Variants in ACOXL observed in about 807,000 individuals in gnomAD.
ACOXL encodes the protein acyl-coenzyme A oxidase-like protein.
ACOXL carries 70 observed loss-of-function variants against 71.9 expected under a neutral mutation model. The ratio of observed to expected loss-of-function variants is 0.97; its 90% CI spans 0.80 to 1.19. The LOEUF (loss-of-function observed/expected upper bound fraction) is 1.19, where lower values mean the gene tolerates loss of function less well. ACOXL is among the 50% of genes most tolerant of loss of function. The pLI is 0.00. For missense variants in ACOXL, 703 were observed against 736.3 expected, an observed-to-expected ratio of 0.95 and a Z score of 0.52; for synonymous variants, 253 against 281.6, an observed-to-expected ratio of 0.90 and a Z score of 1.02.
At chr2:110,989,544 A>C (rs1558834073) in intron 13 of ACOXL, among the ~76,000 whole-genome samples, 1 of 152,250 alleles carries the variant, frequency 6.6e-6, no homozygotes, top group Non-Finnish European at 1.5e-5. Flanking sequence ...GATTGTACTT[A>C]CATGACATAC....
Position 110,805,031 on chromosome 2 carries a change from C to T in ACOXL, c.621-232C>T, listed in dbSNP as rs139869186. On this transcript the variant is annotated intron_variant, in intron 8 of 17. Transcript: ENST00000439055. ...GTGTGCGGTCTGCACAGTCAGGCTC[C>T]GGTGCTGGTTTAATGTCTCAGGAAA... 2.4e-3 allele frequency among the ~76,000 whole-genome samples: 373 copies of T among 152,274 alleles called. 4 individuals carry two copies. The highest frequency in any genetic ancestry group is 4.4e-3 in the African/African-American group (183 of 41,552).
chr2:110,947,291 C>A (rs1206762439), intron 12 of ACOXL, among the ~76,000 whole-genome samples: 2 of 152,164 alleles, frequency 1.3e-5, no homozygotes, highest in Admixed American at 1.3e-4. Context: ...TTCAAGCAAA[C>A]CTAGATTGAA....
At chr2:110,933,382 C>T in intron 11 of ACOXL, 107 bp from the exon 12 acceptor site, 1 of 1,336,562 alleles carries the variant, frequency 7.5e-7, no homozygotes, top group Non-Finnish European at 1.0e-6. Context: ...TCACTGACAT[C>T]ATATTCTTTC....
At chr2:111,116,251 A>G (rs537358798) in intron 17 of ACOXL, among the ~76,000 whole-genome samples, 6 of 152,348 alleles carry the variant, frequency 3.9e-5, no homozygotes, top group African/African-American at 1.4e-4. Flanking sequence ...GTGAAAGTTC[A>G]TTTTAGTGCA....
At chr2:111,024,110 A>G (rs1340747357) in intron 14 of ACOXL, among the ~76,000 whole-genome samples, 3 of 152,142 alleles carry the variant, frequency 2.0e-5, no homozygotes, top group South Asian at 2.1e-4. Flanking sequence ...TTCTCCCCCA[A>G]TGAGAAGACA....
intron 10 of ACOXL, among the ~76,000 whole-genome samples, chr2:110,873,719 C>T (rs1192654755): frequency 6.6e-6 from 1 of 152,156 alleles, no homozygotes; most frequent in Non-Finnish European, 1.5e-5. Context: ...GGTAAAAGGG[C>T]CCCCGTTGGG....
chr2:110,963,579 GTGT>G (rs776118365), intron 12 of ACOXL: 14 of 1,178,096 alleles, frequency 1.2e-5, no homozygotes, highest in Middle Eastern at 2.2e-4. Flanking sequence ...GTGTGTGTGT[GTGT>G]GTGTGTGTGT....
intron 12 of ACOXL, among the ~76,000 whole-genome samples, chr2:110,949,271 G>A (rs779599153): frequency 5.3e-5 from 8 of 152,170 alleles, no homozygotes; most frequent in Non-Finnish European, 7.3e-5. Flanking sequence ...CCAAGTGTCA[G>A]TAAGGCCCCC....
chr2:110,936,325 G>A (rs1440577375), intron 12 of ACOXL, among the ~76,000 whole-genome samples: 1 of 152,090 alleles, frequency 6.6e-6, no homozygotes, highest in Non-Finnish European at 1.5e-5. Flanking sequence ...AAGTGTAGTG[G>A]CACAATCACA....
At position 110,998,042 on chromosome 2, in the gene ACOXL, C is replaced by T. The variant is rs567273082; in HGVS notation, c.1281+2038C>T. On this transcript the variant is annotated intron_variant, in intron 14 of 17. Transcript: ENST00000439055. ...CTCCAGCCTGGGCAACAGAGAGAGA[C>T]CCTGTCTCAAAAAATAATACGGAAG... Among the ~76,000 whole-genome samples the T allele has an allele frequency of 9.3e-3, 1,407 of 151,932 alleles. 18 individuals carry two copies. The highest frequency in any genetic ancestry group is 0.028 in the African/African-American group (1,163 of 41,382).
intron 9 of ACOXL, among the ~76,000 whole-genome samples, chr2:110,806,637 T>C (rs1686677044): frequency 6.6e-6 from 1 of 152,236 alleles, no homozygotes; most frequent in South Asian, 2.1e-4. Context: ...GCTGAAGCTG[T>C]GATAGCAGTC....
intron 14 of ACOXL, among the ~76,000 whole-genome samples, chr2:111,020,655 T>G (rs574741936): frequency 1.4e-4 from 21 of 152,290 alleles, no homozygotes; most frequent in African/African-American, 4.8e-4. Context: ...CAAACACCAT[T>G]GAGAAAGATG....
chr2:110,888,951 T>C (rs1167684860), intron 10 of ACOXL, among the ~76,000 whole-genome samples: 1 of 152,222 alleles, frequency 6.6e-6, no homozygotes, highest in African/African-American at 2.4e-5. Context: ...AACCTGTCTG[T>C]CTAAAGAGAA....
chr2:110,789,024 C>G (rs915855841), intron 3 of ACOXL, among the ~76,000 whole-genome samples: 4 of 152,232 alleles, frequency 2.6e-5, no homozygotes, highest in African/African-American at 9.6e-5. Context: ...CCTGCATGTT[C>G]AAGTCCCTTT....
intron 10 of ACOXL, among the ~76,000 whole-genome samples, chr2:110,896,560 A>G (rs1204004925): frequency 1.3e-5 from 2 of 152,140 alleles, no homozygotes; most frequent in Non-Finnish European, 2.9e-5. Flanking sequence ...AGATTTGCCA[A>G]AAAAAGAAGG....
rs35965746 is a variant in ACOXL, at chr2:111,011,881, T to TA, written c.1281+15901dup. Among the ~76,000 whole-genome samples the TA allele has an allele frequency of 8.6e-4, 97 of 112,554 alleles. 1 individual carries two copies. The highest frequency in any genetic ancestry group is 1.6e-3 in the Admixed American group (16 of 10,014). 73.8% of individuals were successfully genotyped at this position (112,554 alleles called of 152,430 possible). ...CCTGGGCAGCAGAGTGAGACTCTGT[T>TA]AAAAAAAAAAAAAAAAAAAAAAAAG... is the stretch of plus-strand genomic sequence containing the variant. On this transcript the variant is annotated intron_variant, in intron 14 of 17. Transcript: ENST00000439055.
At chr2:110,800,536 C>T in intron 7 of ACOXL, among the ~76,000 whole-genome samples, 1 of 149,016 alleles carries the variant, frequency 6.7e-6, no homozygotes, top group East Asian at 2.0e-4. Context: ...GTGGGGAGGA[C>T]ACAATTTAAC....
intron 2 of ACOXL, among the ~76,000 whole-genome samples, chr2:110,775,668 A>T (rs1682544663): frequency 6.6e-6 from 1 of 152,242 alleles, no homozygotes; most frequent in African/African-American, 2.4e-5. Context: ...CATTAGGCAA[A>T]TACAAATCAC....
At chr2:110,751,769 G>A (rs997964132) in intron 1 of ACOXL, among the ~76,000 whole-genome samples, 1 of 152,150 alleles carries the variant, frequency 6.6e-6, no homozygotes, top group African/African-American at 2.4e-5. Context: ...ACGGTTGTGT[G>A]TGTTTTTCAC....
Sources: allele counts gnomAD v4.1 joint callset (sites outside exome capture counted in the v4.1 genomes callset), GRCh38; gene constraint gnomAD v4.1.1; transcripts MANE v1.5; gene names NCBI Gene and HGNC (gene_info 2026-07-23, HGNC 2026-07-21).